CSMD1: variants seen among roughly 807,000 people sequenced by gnomAD.
CSMD1 encodes the protein CUB and sushi domain-containing protein 1.
CSMD1 carries 213 observed loss-of-function variants against 417.5 expected under a neutral mutation model. The ratio of observed to expected loss-of-function variants is 0.51; its 90% confidence interval spans 0.46 to 0.57. The LOEUF (loss-of-function observed/expected upper bound fraction) is 0.57. CSMD1 is among the 20% of genes least tolerant of loss of function. The probability of loss-of-function intolerance (pLI) is 0.00; values close to 1 mark genes in which losing one functional copy is unlikely to be tolerated. For missense variants in CSMD1, 6,923 were observed against 4,529.7 expected (o/e 1.53, Z -15.17); for synonymous variants, 2,862 against 1,736.8 (o/e 1.65, Z -16.11).
chr8:4,690,668 A>G (rs957206187), intron 1 of CSMD1, among the ~76,000 whole-genome samples: 14 of 152,206 alleles, frequency 9.2e-5, no homozygotes, highest in Non-Finnish European at 1.9e-4. Flanking sequence ...TCAGCATTTC[A>G]GCAGGATTTT....
intron 50 of CSMD1, among the ~76,000 whole-genome samples, chr8:3,033,113 T>C (rs1044992793): frequency 6.8e-6 from 1 of 147,094 alleles, no homozygotes; most frequent in South Asian, 2.1e-4. Context: ...ATAAAAAAAA[T>C]TTAAAGATAT....
At chr8:3,416,638 G>T (rs1281586799) in intron 12 of CSMD1, among the ~76,000 whole-genome samples, 1 of 152,176 alleles carries the variant, frequency 6.6e-6, no homozygotes, top group African/African-American at 2.4e-5. Context: ...AACACGTCCA[G>T]GGAGTTGCCT....
chr8:4,651,578 C>T (rs538581145), intron 1 of CSMD1, among the ~76,000 whole-genome samples: 1 of 152,306 alleles, frequency 6.6e-6, no homozygotes, highest in South Asian at 2.1e-4. Flanking sequence ...CAAAACTATT[C>T]CTTAATATCC....
intron 10 of CSMD1, among the ~76,000 whole-genome samples, chr8:3,544,801 A>G (rs1798591739): frequency 6.6e-6 from 1 of 152,104 alleles, no homozygotes; most frequent in Non-Finnish European, 1.5e-5. Flanking sequence ...CTAATGAGAA[A>G]AGATATGAAG....
At chr8:4,775,050 G>T (rs977916245) in intron 1 of CSMD1, among the ~76,000 whole-genome samples, 1 of 152,054 alleles carries the variant, frequency 6.6e-6, no homozygotes, top group East Asian at 1.9e-4. Context: ...AGGAAATCAA[G>T]ATATACAAGA....
At chr8:3,672,690 T>C (rs1799140983) in intron 7 of CSMD1, among the ~76,000 whole-genome samples, 2 of 152,182 alleles carry the variant, frequency 1.3e-5, no homozygotes, top group South Asian at 4.1e-4. Context: ...CAAGGCTGTC[T>C]CCAGTGATGG....
At chr8:4,575,709 T>C (rs1161316711) in intron 2 of CSMD1, among the ~76,000 whole-genome samples, 1 of 152,246 alleles carries the variant, frequency 6.6e-6, no homozygotes, top group Non-Finnish European at 1.5e-5. Flanking sequence ...AATATGTTAA[T>C]AAATTTACAT....
chr8:3,955,891 C>G (rs1268571670), intron 5 of CSMD1, among the ~76,000 whole-genome samples: 1 of 152,214 alleles, frequency 6.6e-6, no homozygotes, highest in African/African-American at 2.4e-5. Context: ...ACGATCTCGG[C>G]TCACTTCAAC....
At chr8:4,760,696 T>G (rs1811982849) in intron 1 of CSMD1, among the ~76,000 whole-genome samples, 1 of 152,190 alleles carries the variant, frequency 6.6e-6, no homozygotes, top group East Asian at 1.9e-4. Context: ...ATTCTTCAAA[T>G]TTACTCTAAT....
At chr8:3,709,931 C>G (rs1563297042) in intron 6 of CSMD1, among the ~76,000 whole-genome samples, 1 of 56 alleles carries the variant, frequency 0.018, no homozygotes, top group Non-Finnish European at 0.036. Flanking sequence ...CTGAAGCATA[C>G]AAGGGGTTGG....
At chr8:4,263,422 A>G (rs1166746108) in intron 3 of CSMD1, among the ~76,000 whole-genome samples, 1 of 152,192 alleles carries the variant, frequency 6.6e-6, no homozygotes, top group Admixed American at 6.5e-5. Context: ...AGGTAAACAA[A>G]AACATCGTAT....
At chr8:4,675,091 G>A (rs548096255) in intron 1 of CSMD1, among the ~76,000 whole-genome samples, 1 of 152,246 alleles carries the variant, frequency 6.6e-6, no homozygotes, top group African/African-American at 2.4e-5. Context: ...TGTTGTTTAA[G>A]CCACCCAATC....
At chr8:3,312,722 T>G (rs2117424883) in intron 23 of CSMD1, among the ~76,000 whole-genome samples, 1 of 152,308 alleles carries the variant, frequency 6.6e-6, no homozygotes, top group Non-Finnish European at 1.5e-5. Context: ...CTTAGTCGCC[T>G]GCTAGGGAGA....
chr8:4,489,878 C>A (rs1007162918), intron 2 of CSMD1, among the ~76,000 whole-genome samples: 1 of 152,240 alleles, frequency 6.6e-6, no homozygotes, highest in East Asian at 1.9e-4. Flanking sequence ...ATGCCTTGCC[C>A]AGACTACGAC....
intron 1 of CSMD1, among the ~76,000 whole-genome samples, chr8:4,693,416 T>C (rs909310225): frequency 2.0e-5 from 3 of 152,240 alleles, no homozygotes; most frequent in Non-Finnish European, 4.4e-5. Context: ...GTGTTCTGGC[T>C]GTGTCAGCCT....
intron 1 of CSMD1, among the ~76,000 whole-genome samples, chr8:4,653,122 A>G (rs1351582474): frequency 1.3e-5 from 2 of 152,084 alleles, no homozygotes; most frequent in Non-Finnish European, 2.9e-5. Context: ...TCCCAGCCAC[A>G]GATTCAGCCC....
chr8:3,172,168 C>T (rs75669845), intron 37 of CSMD1, among the ~76,000 whole-genome samples: 1 of 152,176 alleles, frequency 6.6e-6, no homozygotes, highest in African/African-American at 2.4e-5. Flanking sequence ...CACTGTGGCT[C>T]TTGCCCCCTT....
intron 1 of CSMD1, among the ~76,000 whole-genome samples, chr8:4,935,236 C>T (rs985465142): frequency 6.6e-6 from 1 of 152,174 alleles, no homozygotes; most frequent in African/African-American, 2.4e-5. Context: ...AGAGTTCTTC[C>T]TGCCCCACAC....
intron 5 of CSMD1, among the ~76,000 whole-genome samples, chr8:3,978,642 T>C (rs1292723638): frequency 6.6e-6 from 1 of 152,134 alleles, no homozygotes; most frequent in Non-Finnish European, 1.5e-5. Context: ...CTGCTGTCTC[T>C]CCACCTCCTC....
Sources: allele counts gnomAD v4.1 joint callset (sites outside exome capture counted in the v4.1 genomes callset), GRCh38; gene constraint gnomAD v4.1.1; transcripts MANE v1.5; gene names NCBI Gene and HGNC (gene_info 2026-07-23, HGNC 2026-07-21).